Variants in L3MBTL4 observed in about 807,000 individuals in gnomAD.
L3MBTL4 encodes the protein lethal(3)malignant brain tumor-like protein 4.
Under a neutral mutation model 84.5 loss-of-function variants are expected in L3MBTL4, and 70 were observed. The observed-to-expected ratio is 0.83, with a 90% CI of 0.68 to 1.01. L3MBTL4 has a LOEUF of 1.01. L3MBTL4 is among the 50% of genes least tolerant of loss of function. The probability of loss-of-function intolerance (pLI) is 0.00; values close to 1 mark genes in which losing one functional copy is unlikely to be tolerated. For synonymous variants in L3MBTL4, 274 were observed against 259.8 expected, an observed-to-expected ratio of 1.05 and a Z score of -0.52; for missense variants, 715 against 754.8, an observed-to-expected ratio of 0.95 and a Z score of 0.62.
intron 1 of L3MBTL4, among the ~76,000 whole-genome samples, chr18:6,318,712 AGAC>A (rs1219416164): frequency 1.3e-5 from 2 of 152,008 alleles, no homozygotes; most frequent in Admixed American, 1.3e-4. Context: ...TGACAGCACT[AGAC>A]AGCTCATCGA....
Position 6,308,867 on chromosome 18 carries a change from A to T in L3MBTL4, c.72+2687T>A, listed in dbSNP as rs924114354. ...GGATACGGTGGATAATTTAATTCTT[A>T]CTTTACTGCCTGTCTGTACTGTTTT... On this transcript the variant is annotated intron_variant, in intron 3 of 18. Coordinates refer to ENST00000317931, the MANE Select transcript of L3MBTL4 (RefSeq NM_001330559.2). Among the ~76,000 whole-genome samples, 6 of 152,296 alleles carry T rather than the reference A, an allele frequency of 3.9e-5. No individual in the cohort carries two copies. The East Asian group carries it at 1.2e-3, about 29-fold the overall frequency.
chr18:5,968,777 A>G (rs1399359591), intron 17 of L3MBTL4, among the ~76,000 whole-genome samples: 1 of 152,222 alleles, frequency 6.6e-6, no homozygotes, highest in Non-Finnish European at 1.5e-5. Flanking sequence ...AGGCATGTTT[A>G]TAATGAAATC....
intron 1 of L3MBTL4, among the ~76,000 whole-genome samples, chr18:6,382,380 G>A (rs748676707): frequency 5.9e-5 from 9 of 152,156 alleles, no homozygotes; most frequent in East Asian, 1.9e-4. Flanking sequence ...CCTTGCTGGC[G>A]AGGAGTTGTG....
At chr18:6,144,023 C>T (rs1260422148) in intron 13 of L3MBTL4, among the ~76,000 whole-genome samples, 2 of 152,040 alleles carry the variant, frequency 1.3e-5, no homozygotes, top group African/African-American at 2.4e-5. Flanking sequence ...CGGTGAAACC[C>T]CGTCTCTACT....
intron 15 of L3MBTL4, among the ~76,000 whole-genome samples, 196 bp downstream of exon 15, chr18:6,093,159 T>C (rs2058514550): frequency 6.6e-6 from 1 of 152,204 alleles, no homozygotes; most frequent in Admixed American, 6.5e-5. Context: ...TATTTAAGGA[T>C]GAAGCAAAAT....
At chr18:6,089,013 T>C (rs1216020206) in intron 15 of L3MBTL4, among the ~76,000 whole-genome samples, 1 of 152,172 alleles carries the variant, frequency 6.6e-6, no homozygotes, top group Non-Finnish European at 1.5e-5. Context: ...GACAGGTATT[T>C]TAACGAATGG....
intron 1 of L3MBTL4, among the ~76,000 whole-genome samples, chr18:6,320,933 A>C (rs2051370203): frequency 6.6e-6 from 1 of 152,080 alleles, no homozygotes; most frequent in Non-Finnish European, 1.5e-5. Context: ...CCCAGAAATA[A>C]AGCCAAATAC....
In L3MBTL4 at chr18:6,171,817, A is replaced by G; in HGVS notation, c.1096+11T>C. ...TATTTAAAAAGCAACAACAAAGAGC[A>G]AAGTACTCACGCTGTGGCACTTCCA... On this transcript the variant is annotated intron_variant, in intron 13 of 18. Transcript: ENST00000317931. 1 of 1,472,468 alleles carries G rather than the reference A, an allele frequency of 6.8e-7. No homozygotes were observed. Among genetic ancestry groups the G allele is most frequent in the African/African-American group, 1.4e-5 (1 of 71,166 alleles). The allele number at this position is 1,472,468 out of a possible 1,614,324, so 91.2% of individuals were successfully genotyped here.
chr18:6,289,677 C>T (rs11663361), intron 4 of L3MBTL4, among the ~76,000 whole-genome samples: 28,714 of 152,022 alleles, frequency 0.19, 2,849 homozygotes, highest in African/African-American at 0.24. Flanking sequence ...ACTGGGATGA[C>T]AACTCTCTAC....
At chr18:6,396,819 T>G (rs970188057) in intron 1 of L3MBTL4, 2 of 152,216 alleles carry the variant, frequency 1.3e-5, no homozygotes, top group Non-Finnish European at 2.9e-5. Context: ...GTTTTATGCT[T>G]ATAAAGTCAT....
At chr18:6,207,957 T>A (rs1308597802) in intron 12 of L3MBTL4, among the ~76,000 whole-genome samples, 1 of 151,156 alleles carries the variant, frequency 6.6e-6, no homozygotes, top group African/African-American at 2.4e-5. Flanking sequence ...AAAAAAAAAT[T>A]AACAAAAATT....
chr18:6,350,166 A>T (rs1440916327), intron 1 of L3MBTL4, among the ~76,000 whole-genome samples: 1 of 148,508 alleles, frequency 6.7e-6, no homozygotes, highest in Non-Finnish European at 1.5e-5. Flanking sequence ...AGAAGAAAAC[A>T]TAAGTGAAAA....
At chr18:6,409,627 T>A (rs1206130349) in intron 1 of L3MBTL4, among the ~76,000 whole-genome samples, 1 of 152,014 alleles carries the variant, frequency 6.6e-6, no homozygotes, top group Non-Finnish European at 1.5e-5. Flanking sequence ...GAGTTCAAAT[T>A]CAGGAGGGTT....
intron 10 of L3MBTL4, among the ~76,000 whole-genome samples, chr18:6,233,168 C>A (rs1048465336): frequency 2.0e-5 from 3 of 151,716 alleles, no homozygotes; most frequent in African/African-American, 7.3e-5. Flanking sequence ...TGGGACGTAC[C>A]TAAAAATAAT....
chr18:6,314,036 TGATAGATA>T (rs5822890), intron 1 of L3MBTL4, among the ~76,000 whole-genome samples: 33,490 of 149,528 alleles, frequency 0.22, 3,797 homozygotes, highest in Non-Finnish European at 0.24. Context: ...GGATGGCAGA[TGATAGATA>T]GATAGATAGA....
chr18:5,983,947 T>C (rs2145045509), intron 16 of L3MBTL4, among the ~76,000 whole-genome samples: 1 of 152,314 alleles, frequency 6.6e-6, no homozygotes, highest in African/African-American at 2.4e-5. Flanking sequence ...AGTCTTCCTC[T>C]AACACCCAGG....
At chr18:6,092,811 G>A (rs1250233978) in intron 15 of L3MBTL4, among the ~76,000 whole-genome samples, 1 of 152,188 alleles carries the variant, frequency 6.6e-6, no homozygotes, top group Non-Finnish European at 1.5e-5. Context: ...ACAAAAATGA[G>A]AACTGGTATT....
At chr18:6,150,368 A>C (rs2042840434) in intron 13 of L3MBTL4, among the ~76,000 whole-genome samples, 1 of 151,996 alleles carries the variant, frequency 6.6e-6, no homozygotes, top group Non-Finnish European at 1.5e-5. Flanking sequence ...AGTTCTCATG[A>C]CCAGTAAGCT....
chr18:6,336,702 G>A (rs975281404), intron 1 of L3MBTL4, among the ~76,000 whole-genome samples: 1 of 152,146 alleles, frequency 6.6e-6, no homozygotes, highest in South Asian at 2.1e-4. Flanking sequence ...CAGAAAAAAG[G>A]GTGAACTCTC....
Sources: gnomAD v4.1 joint callset for allele counts (sites outside exome capture counted in the v4.1 genomes callset) on GRCh38, gnomAD v4.1.1 for gene constraint, MANE v1.5 for transcripts, NCBI Gene and HGNC (gene_info 2026-07-23, HGNC 2026-07-21) for gene names.